The following PPM1L variants were observed in gnomAD, a reference collection of about 807,000 sequenced individuals.
PPM1L encodes the protein protein phosphatase, Mg2+/Mn2+ dependent 1L.
PPM1L carries 13 observed loss-of-function variants against 31.4 expected under a neutral mutation model. That is an observed-to-expected ratio of 0.41 (90% CI 0.27 to 0.66). The LOEUF (loss-of-function observed/expected upper bound fraction) is 0.66, where lower values mean the gene tolerates loss of function less well. PPM1L is among the 30% of genes least tolerant of loss of function. The pLI is 0.29. For missense variants in PPM1L, 326 were observed against 453.7 expected, an observed-to-expected ratio of 0.72 and a Z score of 2.56; for synonymous variants, 184 against 175.4, an observed-to-expected ratio of 1.05 and a Z score of -0.39.
chr3:160,970,809 T>TTTTTTTTTTA (rs1716310521), intron 2 of PPM1L, among the ~76,000 whole-genome samples: 1 of 144,864 alleles, frequency 6.9e-6, no homozygotes, highest in African/African-American at 2.6e-5. Context: ...TTTTTTTTTT[T>TTTTTTTTTTA]GAGACGGAGT....
At chr3:160,897,123 A>G (rs1022184769) in intron 1 of PPM1L, among the ~76,000 whole-genome samples, 6 of 147,684 alleles carry the variant, frequency 4.1e-5, no homozygotes, top group Non-Finnish European at 1.5e-5. Context: ...GCTCACTGCA[A>G]CCTCCACCTC....
intron 2 of PPM1L, among the ~76,000 whole-genome samples, chr3:160,980,074 A>G (rs1312211549): frequency 1.3e-5 from 2 of 151,196 alleles, no homozygotes; most frequent in South Asian, 2.1e-4. Flanking sequence ...GCCTTATTGG[A>G]AAAAAAATAA....
intron 2 of PPM1L, among the ~76,000 whole-genome samples, chr3:160,998,032 AAATAT>A (rs1431776901): frequency 2.0e-5 from 3 of 152,218 alleles, no homozygotes; most frequent in Non-Finnish European, 2.9e-5. Context: ...CATATTTGGA[AAATAT>A]AATAGAAGGA....
At chr3:160,767,416 G>T (rs1715132500) in intron 1 of PPM1L, among the ~76,000 whole-genome samples, 1 of 151,778 alleles carries the variant, frequency 6.6e-6, no homozygotes, top group African/African-American at 2.4e-5. Flanking sequence ...TGTATTTTTG[G>T]TAGAGATGGG....
At chr3:160,852,746 G>A (rs1711564267) in intron 1 of PPM1L, among the ~76,000 whole-genome samples, 2 of 152,130 alleles carry the variant, frequency 1.3e-5, no homozygotes, top group Admixed American at 6.5e-5. Flanking sequence ...TTCTGTGGAT[G>A]GTTGGTCATC....
rs558499284 is a variant in PPM1L at position 160,986,322 on chromosome 3, A to G, written c.574+24412A>G. Among the ~76,000 whole-genome samples, 13 of 152,334 alleles carry G rather than the reference A, an allele frequency of 8.5e-5. No individual in the cohort carries two copies. In the South Asian group the frequency reaches 1.9e-3, roughly 22 times the overall value. ...TGAGGAAGGAAATGGCAGTGATTGCAGAGCCCAGAGGCTCCCATATTGGTA... is the reference window on the plus strand; with the variant it reads ...TGAGGAAGGAAATGGCAGTGATTGCGGAGCCCAGAGGCTCCCATATTGGTA... On this transcript the variant is annotated intron_variant, in intron 2 of 3. Transcript: ENST00000498165.
intron 2 of PPM1L, among the ~76,000 whole-genome samples, chr3:161,022,789 G>A (rs1195288304): frequency 4.0e-5 from 6 of 150,488 alleles, no homozygotes; most frequent in South Asian, 4.2e-4. Flanking sequence ...TCAGCCTCCC[G>A]AGTAGCTGGG....
chr3:160,948,694 A>T (rs1715484574), intron 1 of PPM1L, among the ~76,000 whole-genome samples: 1 of 152,178 alleles, frequency 6.6e-6, no homozygotes. Context: ...GGCTGAGCAG[A>T]CTAGCAATTT....
At chr3:160,798,740 C>T (rs1576642520) in intron 1 of PPM1L, among the ~76,000 whole-genome samples, 1 of 152,160 alleles carries the variant, frequency 6.6e-6, no homozygotes, top group African/African-American at 2.4e-5. Flanking sequence ...CCCATGGATC[C>T]AGGAGTAGTT....
intron 3 of PPM1L, among the ~76,000 whole-genome samples, chr3:161,066,370 A>G (rs1719739529): frequency 6.6e-6 from 1 of 152,154 alleles, no homozygotes; most frequent in Non-Finnish European, 1.5e-5. Context: ...AATGGAGTAA[A>G]TAGACATTAA....
intron 1 of PPM1L, among the ~76,000 whole-genome samples, chr3:160,917,455 AC>A (rs1352639975): frequency 6.6e-6 from 1 of 152,226 alleles, no homozygotes; most frequent in Non-Finnish European, 1.5e-5. Context: ...AAATCAGTGT[AC>A]GGTAAGCAAA....
chr3:161,001,993 C>G (rs1052125043), intron 2 of PPM1L, among the ~76,000 whole-genome samples: 3 of 149,546 alleles, frequency 2.0e-5, no homozygotes, highest in Admixed American at 1.3e-4. Flanking sequence ...CCCCCTCCCC[C>G]AACCCCACAA....
intron 2 of PPM1L, among the ~76,000 whole-genome samples, chr3:161,054,049 C>G (rs1719348163): frequency 6.6e-6 from 1 of 152,072 alleles, no homozygotes; most frequent in Non-Finnish European, 1.5e-5. Flanking sequence ...TAAAGGAAGA[C>G]CCAAGGAGGT....
chr3:160,931,205 A>G (rs985662796), intron 1 of PPM1L, among the ~76,000 whole-genome samples: 4 of 152,204 alleles, frequency 2.6e-5, no homozygotes, highest in African/African-American at 9.6e-5. Context: ...GTACAGACAC[A>G]TACCATGTCC....
intron 2 of PPM1L, among the ~76,000 whole-genome samples, chr3:160,988,490 A>C (rs1191347175): frequency 6.6e-6 from 1 of 152,176 alleles, no homozygotes; most frequent in Non-Finnish European, 1.5e-5. Context: ...CACTGAGTGA[A>C]ACATTTTTCC....
At chr3:161,059,893 C>T (rs971369461) in intron 2 of PPM1L, among the ~76,000 whole-genome samples, 4 of 152,210 alleles carry the variant, frequency 2.6e-5, no homozygotes, top group African/African-American at 9.6e-5. Context: ...TCCTTTGCCT[C>T]CTGCCATGAT....
intron 1 of PPM1L, among the ~76,000 whole-genome samples, chr3:160,916,557 C>T (rs1013679298): frequency 6.6e-6 from 1 of 152,098 alleles, no homozygotes; most frequent in African/African-American, 2.4e-5. Flanking sequence ...TCATCTTCAA[C>T]GTGCATGATC....
intron 1 of PPM1L, among the ~76,000 whole-genome samples, chr3:160,857,960 T>C (rs1402455965): frequency 6.6e-6 from 1 of 152,236 alleles, no homozygotes; most frequent in Non-Finnish European, 1.5e-5. Flanking sequence ...CTGTGTCCTG[T>C]CATGACTCTT....
intron 1 of PPM1L, among the ~76,000 whole-genome samples, chr3:160,804,521 T>C (rs1471738627): frequency 6.6e-6 from 1 of 152,248 alleles, no homozygotes; most frequent in Non-Finnish European, 1.5e-5. Flanking sequence ...CTTTACTGAA[T>C]AAATAGTCTT....
Sources: allele counts gnomAD v4.1 joint callset (sites outside exome capture counted in the v4.1 genomes callset), GRCh38; gene constraint gnomAD v4.1.1; transcripts MANE v1.5; gene names NCBI Gene and HGNC (gene_info 2026-07-23, HGNC 2026-07-21).